Variants in DTX1 observed in about 807,000 individuals in gnomAD.
The protein encoded by DTX1 is deltex E3 ubiquitin ligase 1.
In DTX1, 26 loss-of-function variants were observed where a neutral mutation model predicts 57.8. The observed-to-expected ratio is 0.45, with a 90% CI of 0.33 to 0.62. DTX1 has a LOEUF of 0.62. Among genes scored for constraint, DTX1 ranks in the 20% least tolerant of loss-of-function variants. The pLI, the probability that DTX1 is intolerant of heterozygous loss-of-function variation, is 0.02. For missense variants in DTX1, 704 were observed against 895.3 expected (o/e 0.79, Z 2.73); for synonymous variants, 398 against 394.1 (o/e 1.01, Z -0.12).
chr12:113,075,327 A>G (rs2044764191), intron 2 of DTX1, among the ~76,000 whole-genome samples: 1 of 151,592 alleles, frequency 6.6e-6, no homozygotes. Flanking sequence ...GTTCTCACTC[A>G]CTCCTCCCCC....
chr12:113,083,861 G>A (rs549519512), intron 3 of DTX1, among the ~76,000 whole-genome samples: 3 of 152,044 alleles, frequency 2.0e-5, no homozygotes, highest in Non-Finnish European at 4.4e-5. Context: ...CCCTTTACAG[G>A]TTGGGTGACC....
chr12:113,059,886 G>A (rs769274808), intron 2 of DTX1, among the ~76,000 whole-genome samples: 1 of 152,342 alleles, frequency 6.6e-6, no homozygotes, highest in Admixed American at 6.5e-5. Context: ...CACTTCAAGT[G>A]CTCATAGCCA....
intron 2 of DTX1, among the ~76,000 whole-genome samples, chr12:113,059,512 GC>G (rs1465956157): frequency 6.6e-6 from 1 of 152,086 alleles, no homozygotes; most frequent in African/African-American, 2.4e-5. Flanking sequence ...CCACTCTCAG[GC>G]CTACTCTCTT....
At chr12:113,066,455 G>C (rs984573250) in intron 2 of DTX1, among the ~76,000 whole-genome samples, 2 of 151,960 alleles carry the variant, frequency 1.3e-5, no homozygotes, top group African/African-American at 4.8e-5. Context: ...TTGAACCCGG[G>C]AGGTGGAGGT....
At chr12:113,064,421 C>A (rs1330932535) in intron 2 of DTX1, among the ~76,000 whole-genome samples, 2 of 152,202 alleles carry the variant, frequency 1.3e-5, no homozygotes, top group African/African-American at 2.4e-5. Context: ...CTTCTCAGTA[C>A]CAGGTCCTGG....
At chr12:113,094,015 C>G in intron 5 of DTX1, 23 bp from the exon 6 acceptor site, 2 of 1,567,168 alleles carry the variant, frequency 1.3e-6, no homozygotes, top group Non-Finnish European at 1.7e-6. Context: ...TACCCTCAAA[C>G]CCACCCCGCT....
At chr12:113,063,495 A>G (rs2044680248) in intron 2 of DTX1, among the ~76,000 whole-genome samples, 1 of 152,192 alleles carries the variant, frequency 6.6e-6, no homozygotes, top group African/African-American at 2.4e-5. Context: ...AGGGGCACCT[A>G]TCTGCCTGGT....
chr12:113,096,141 G>A (rs1950288441), intron 9 of DTX1, among the ~76,000 whole-genome samples: 1 of 151,830 alleles, frequency 6.6e-6, no homozygotes, highest in Admixed American at 6.6e-5. Flanking sequence ...GGAAGCAGAG[G>A]TTGCACTGAG....
chr12:113,079,728 G>GTGTA, intron 3 of DTX1, among the ~76,000 whole-genome samples: 1 of 150,594 alleles, frequency 6.6e-6, no homozygotes, highest in African/African-American at 2.5e-5. Flanking sequence ...GTGTGTGTGT[G>GTGTA]TGTGTGTGTT....
At position 113,097,894 on chromosome 12, in the gene DTX1, C is replaced by T. The variant is rs1272562566; in HGVS notation, c.*955C>T. On this transcript the variant is annotated 3_prime_UTR_variant, in exon 10 of 10. Coordinates refer to ENST00000548759, the MANE Select transcript of DTX1 (RefSeq NM_004416.3). ...AACCAGGGGCCTGTTGCCCAGGCAA[C>T]TCACCAGCTCCGCCTCTGCTGATTG... 1.3e-5 allele frequency: 2 copies of T among 152,732 alleles called. No individual in the cohort carries two copies. Among genetic ancestry groups the T allele is most frequent in the Non-Finnish European group, 2.9e-5 (2 of 68,072 alleles). 9.5% of individuals were successfully genotyped at this position (152,732 alleles called of 1,614,324 possible).
chr12:113,079,021 G>C (rs562985999), intron 3 of DTX1, among the ~76,000 whole-genome samples: 51 of 152,008 alleles, frequency 3.4e-4, no homozygotes, highest in Non-Finnish European at 6.9e-4. Flanking sequence ...ATTTTATTAA[G>C]GATGGGCACC....
At chr12:113,082,936 C>T (rs1158272859) in intron 3 of DTX1, among the ~76,000 whole-genome samples, 1 of 152,200 alleles carries the variant, frequency 6.6e-6, no homozygotes, top group Non-Finnish European at 1.5e-5. Context: ...TTTGCTGGGG[C>T]AGTGGTAACA....
intron 3 of DTX1, among the ~76,000 whole-genome samples, chr12:113,084,357 G>A (rs1392747148): frequency 1.3e-5 from 2 of 152,144 alleles, no homozygotes; most frequent in African/African-American, 2.4e-5. Flanking sequence ...TTTATCGAGC[G>A]CTCCCTATGT....
rs758613768 is a variant in DTX1, at chr12:113,095,033, C to T, written c.1387-9C>T. On this transcript the variant is annotated splice_polypyrimidine_tract_variant and intron_variant, in intron 7 of 9. Coordinates refer to ENST00000548759, the MANE Select transcript of DTX1 (RefSeq NM_004416.3). ...TGCTGGGAACTCACTGCCAGCCTCCCCTGCCCAGGATGGCAGCCTGCAGTG... is the reference window on the plus strand; with the variant it reads ...TGCTGGGAACTCACTGCCAGCCTCCTCTGCCCAGGATGGCAGCCTGCAGTG... 6.2e-7 allele frequency: 1 copy of T among 1,607,918 alleles called. No homozygotes were observed. Among genetic ancestry groups the T allele is most frequent in the Admixed American group, 1.7e-5 (1 of 59,882 alleles).
At chr12:113,062,561 T>A (rs140369488) in intron 2 of DTX1, among the ~76,000 whole-genome samples, 1 of 152,330 alleles carries the variant, frequency 6.6e-6, no homozygotes, top group East Asian at 1.9e-4. Flanking sequence ...CTGCCCCACA[T>A]GTTCTGAACC....
intron 2 of DTX1, among the ~76,000 whole-genome samples, chr12:113,062,038 C>T (rs1017388086): frequency 4.6e-4 from 52 of 111,952 alleles, no homozygotes; most frequent in African/African-American, 2.1e-3. Flanking sequence ...TTCATACACA[C>T]ACACACACAC....
In DTX1 at chr12:113,097,215, A is replaced by G. The variant is rs79540009; in HGVS notation, c.*276A>G. ...CCCGCCCCCTCACACACAAACACAC[A>G]TGTCCTGTTGAACTCATGCACGCAC... On this transcript the variant is annotated 3_prime_UTR_variant, in exon 10 of 10. Transcript: ENST00000548759. The G allele has an allele frequency of 0.011, 5,053 of 439,832 alleles. 40 individuals are homozygous for G. Among genetic ancestry groups the G allele is most frequent in the Middle Eastern group, 0.021 (33 of 1,592 alleles). 27.2% of individuals were successfully genotyped at this position (439,832 alleles called of 1,614,324 possible). A position where few individuals can be genotyped will look rare whatever the true frequency, so the allele number is the denominator to read the frequency against.
At position 113,097,620 on chromosome 12, in the gene DTX1, T is replaced by G. The variant is rs2136069909; in HGVS notation, c.*681T>G. 1 of 152,474 alleles carries G rather than the reference T, an allele frequency of 6.6e-6. No individual in the cohort carries two copies. The highest frequency in any genetic ancestry group is 2.1e-4 in the South Asian group (1 of 4,836). The allele number at this position is 152,474 out of a possible 1,614,324, so 9.4% of individuals were successfully genotyped here. A position where few individuals can be genotyped will look rare whatever the true frequency, so the allele number is the denominator to read the frequency against. On this transcript the variant is annotated 3_prime_UTR_variant, in exon 10 of 10. Coordinates refer to ENST00000548759, the MANE Select transcript of DTX1 (RefSeq NM_004416.3). The stretch of plus-strand genomic sequence containing the variant: ...CTCTTCATCTCTCTGGACTCTGATC[T>G]CCTTCTCCCTTCCCATCTCCAGGCC...
intron 9 of DTX1, among the ~76,000 whole-genome samples, chr12:113,095,974 A>G (rs1022148870): frequency 1.2e-4 from 19 of 152,136 alleles, no homozygotes; most frequent in African/African-American, 4.6e-4. Flanking sequence ...TTGGGAGGCT[A>G]AGGCGGGCAG....
Sources: allele counts gnomAD v4.1 joint callset (sites outside exome capture counted in the v4.1 genomes callset), GRCh38; gene constraint gnomAD v4.1.1; transcripts MANE v1.5; gene names NCBI Gene and HGNC (gene_info 2026-07-23, HGNC 2026-07-21).